Variants in FBN3 observed in about 807,000 individuals in gnomAD.
FBN3 encodes the protein fibrillin-3.
A neutral mutation model predicts 330.1 loss-of-function variants in FBN3; 234 were observed. The observed-to-expected ratio is 0.71, with a 90% confidence interval of 0.64 to 0.79. The LOEUF (loss-of-function observed/expected upper bound fraction) is 0.79. Among genes scored for constraint, FBN3 ranks in the 30% least tolerant of loss-of-function variants. The probability of loss-of-function intolerance (pLI) is 0.00; values close to 1 mark genes in which losing one functional copy is unlikely to be tolerated. For synonymous variants in FBN3, 1,458 were observed against 1,517.3 expected, an observed-to-expected ratio of 0.96 and a Z score of 0.91; for missense variants, 3,606 against 3,886.9, an observed-to-expected ratio of 0.93 and a Z score of 1.92.
chr19:8,132,406 C>T (rs2083169299), intron 14 of FBN3, among the ~76,000 whole-genome samples: 1 of 151,970 alleles, frequency 6.6e-6, no homozygotes, highest in Non-Finnish European at 1.5e-5. Context: ...GTCTCGAACT[C>T]CTGTCCTCAA....
Position 8,121,099 on chromosome 19 carries a change from T to C in FBN3, c.3211+159A>G, listed in dbSNP as rs1003331725. Among the ~76,000 whole-genome samples the C allele has an allele frequency of 2.0e-5, 3 of 151,950 alleles. No homozygotes were observed. Among genetic ancestry groups the C allele is most frequent in the African/African-American group, 7.3e-5 (3 of 41,354 alleles). On this transcript the variant is annotated intron_variant, in intron 25 of 63. Transcript: ENST00000600128. The surrounding 1 kb of genome is among the most constrained non-coding windows in gnomAD (Gnocchi z 4.5). ...TCTCTCTCCTAAGGACGAGGCCTCA[T>C]GGAGCCCAGACTCACTGTACCTCAG...
Position 8,066,096 on chromosome 19 carries a change from G to T in FBN3, c.8253C>A (p.Arg2751=), listed in dbSNP as rs144919811. 8 of 1,613,550 alleles carry T rather than the reference G, an allele frequency of 5.0e-6. No homozygotes were observed. The highest frequency in any genetic ancestry group is 6.8e-6 in the Non-Finnish European group (8 of 1,179,996). Residue 2751 remains arginine, a synonymous_variant, in exon 64 of 64, where the codon CGC becomes CGA. Coordinates refer to ENST00000600128, the MANE Select transcript of FBN3 (RefSeq NM_032447.5). ...IVRGNEQGFF[R]MHHLRGVSSL... The stretch of plus-strand genomic sequence containing the variant: ...AGCTGACGCCACGGAGGTGATGCAT[G>T]CGAAAGAAACCTTGCTCGTTTCCGC...
chr19:8,098,065 T>C (rs771872410), intron 41 of FBN3, among the ~76,000 whole-genome samples: 5 of 152,272 alleles, frequency 3.3e-5, no homozygotes, highest in Non-Finnish European at 7.3e-5. Context: ...ATTGAGGCGA[T>C]GGTTGTGTAA....
chr19:8,085,470 C>T lies in FBN3; in HGVS notation c.6980G>A (p.Gly2327Glu), dbSNP rs1183754268. The T allele has an allele frequency of 1.3e-6, 2 of 1,586,494 alleles. No individual in the cohort carries two copies. Among genetic ancestry groups the T allele is most frequent in the Non-Finnish European group, 1.7e-6 (2 of 1,167,162 alleles). The part of the protein sequence containing the change: ...EAVTRAECCC[G>E]GGRGWGPRCE... ...GCGGGGCCCCCAGCCCCGGCCACCC[C>T]CACAGCAGCACTCGGCCCTGGTGAC... The change falls in exon 56 of 64, where the codon GGG becomes GAG. Residue 2327 changes from glycine (G) to glutamate (E), a missense_variant. By Grantham distance (98) the Gly-to-Glu change is moderately conservative. Coordinates refer to ENST00000600128, the MANE Select transcript of FBN3 (RefSeq NM_032447.5).
chr19:8,096,925 T>G lies in FBN3; in HGVS notation c.5369A>C (p.Lys1790Thr). 6.2e-7 allele frequency: 1 copy of G among 1,613,826 alleles called. No individual in the cohort carries two copies. The highest frequency in any genetic ancestry group is 8.5e-7 in the Non-Finnish European group (1 of 1,179,998). ...CGACAGTTTGTACCCTCGGGTGCAC[T>G]TGCAGCGGTAGCTACCGGGGATGTT... ...CINIPGSYRC[K>T]CTRGYKLSPG... Residue 1790 changes from lysine (K) to threonine (T), a missense_variant, in exon 43 of 64, where the codon AAG (lysine) becomes ACG (threonine). Lys to Thr is a moderately conservative substitution (Grantham distance 78, BLOSUM62 -1). Coordinates refer to ENST00000600128, the MANE Select transcript of FBN3 (RefSeq NM_032447.5). The surrounding 1 kb of genome is among the most constrained non-coding windows in gnomAD (Gnocchi z 4.6).
At position 8,147,299 on chromosome 19, in the gene FBN3, C is replaced by T; in HGVS notation, c.167+15G>A. The T allele has an allele frequency of 6.3e-7, 1 of 1,588,402 alleles. No individual in the cohort carries two copies. The highest frequency in any genetic ancestry group is 1.1e-5 in the South Asian group (1 of 87,640). ...CACACCGAAGGGGTCTCCCAGCATC[C>T]CAGGTACCACGCACCCCTGCAAGAT... On this transcript the variant is annotated intron_variant, in intron 2 of 63. Coordinates refer to ENST00000600128, the MANE Select transcript of FBN3 (RefSeq NM_032447.5).
In FBN3 at chr19:8,131,909, A is replaced by G; in HGVS notation, c.1715-80T>C. The G allele has an allele frequency of 7.2e-7, 1 of 1,388,012 alleles. No homozygotes were observed. The highest frequency in any genetic ancestry group is 9.5e-7 in the Non-Finnish European group (1 of 1,055,362). The allele number at this position is 1,388,012 out of a possible 1,614,324, so 86.0% of individuals were successfully genotyped here. ...CCCCTCCCCATCTCCCAACATTTCCATCTTCCCAGCCATTCTATTTCTTTC... is the reference window on the plus strand; with the variant it reads ...CCCCTCCCCATCTCCCAACATTTCCGTCTTCCCAGCCATTCTATTTCTTTC... On this transcript the variant is annotated intron_variant, in intron 14 of 63. Coordinates refer to ENST00000600128, the MANE Select transcript of FBN3 (RefSeq NM_032447.5). The surrounding 1 kb of genome is among the most constrained non-coding windows in gnomAD (Gnocchi z 4.5).
intron 61 of FBN3, among the ~76,000 whole-genome samples, chr19:8,074,143 C>G (rs913279262): frequency 2.0e-5 from 3 of 152,068 alleles, no homozygotes; most frequent in African/African-American, 7.2e-5. Flanking sequence ...AGCTCAGGGC[C>G]TAGTGAAAGG....
rs1599295473 is a variant in FBN3, at chr19:8,085,451, C to G, written c.6999G>C (p.Gly2333=). The G allele has an allele frequency of 6.4e-7, 1 of 1,572,250 alleles. No individual in the cohort carries two copies. The highest frequency in any genetic ancestry group is 8.6e-7 in the Non-Finnish European group (1 of 1,160,668). The stretch of plus-strand genomic sequence containing the variant: ...GCAGGGGACAGAGCTCGCAGCGGGG[C>G]CCCCAGCCCCGGCCACCCCCACAGC... The part of the protein sequence containing the change: ...ECCCGGGRGW[G]PRCELCPLPG... Residue 2333 remains glycine (G), a synonymous_variant, in exon 56 of 64, where the codon GGG becomes GGC. Coordinates refer to ENST00000600128, the MANE Select transcript of FBN3 (RefSeq NM_032447.5).
chr19:8,129,530 C>T lies in FBN3; in HGVS notation c.2045-165G>A, dbSNP rs2083076779. ...TCTGCTCTAAACCGAGGTTTCTCAG[C>T]CTGGACACTGCTGACATTTGGGGCC... On this transcript the variant is annotated intron_variant, in intron 16 of 63. Transcript: ENST00000600128. The surrounding 1 kb of genome is among the most constrained non-coding windows in gnomAD (Gnocchi z 4.5). Among the ~76,000 whole-genome samples, 1 of 152,112 alleles carries T rather than the reference C, an allele frequency of 6.6e-6. No individual in the cohort carries two copies. The highest frequency in any genetic ancestry group is 1.5e-5 in the Non-Finnish European group (1 of 68,018).
chr19:8,105,261 CT>C (rs1185900615), intron 38 of FBN3, among the ~76,000 whole-genome samples: 853 of 137,454 alleles, frequency 6.2e-3, no homozygotes, highest in Middle Eastern at 0.011. Flanking sequence ...TCTTTTTTTT[CT>C]TTTTTTTTTT....
intron 8 of FBN3, among the ~76,000 whole-genome samples, chr19:8,140,413 G>A (rs372602601): frequency 1.3e-5 from 2 of 152,174 alleles, no homozygotes; most frequent in East Asian, 1.9e-4. Flanking sequence ...GCAGTGAGCC[G>A]AGATCGTGCC....
chr19:8,110,379 A>G (rs2082549505), intron 34 of FBN3, among the ~76,000 whole-genome samples: 1 of 152,190 alleles, frequency 6.6e-6, no homozygotes, highest in Non-Finnish European at 1.5e-5. Flanking sequence ...TATAGAAAAT[A>G]CTTTCAAACC....
chr19:8,087,598 ATTTTTTT>A (rs35631767), intron 53 of FBN3, among the ~76,000 whole-genome samples: 1 of 75,452 alleles, frequency 1.3e-5, no homozygotes. Flanking sequence ...GCATTGCAGG[ATTTTTTT>A]TTTTTTTTTT....
Position 8,131,914 on chromosome 19 carries a change from CCCAG to C in FBN3, c.1715-89_1715-86del, listed in dbSNP as rs1816392166. The C allele has an allele frequency of 7.3e-7, 1 of 1,373,030 alleles. No individual in the cohort carries two copies. The highest frequency in any genetic ancestry group is 2.7e-5 in the East Asian group (1 of 37,660). The allele number at this position is 1,373,030 out of a possible 1,614,324, so 85.1% of individuals were successfully genotyped here. A position where few individuals can be genotyped will look rare whatever the true frequency, so the allele number is the denominator to read the frequency against. Reference sequence around the variant, plus strand: ...CCCCATCTCCCAACATTTCCATCTTCCCAGCCATTCTATTTCTTTCCTTTCCAGT... The same window carrying C: ...CCCCATCTCCCAACATTTCCATCTTCCCATTCTATTTCTTTCCTTTCCAGT... On this transcript the variant is annotated intron_variant, in intron 14 of 63. Coordinates refer to ENST00000600128, the MANE Select transcript of FBN3 (RefSeq NM_032447.5). This position sits in a 1 kb window ranked among gnomAD's most constrained non-coding sequence, Gnocchi z 4.5.
chr19:8,131,892 C>T lies in FBN3; in HGVS notation c.1715-63G>A. 7.0e-7 allele frequency: 1 copy of T among 1,431,334 alleles called. No individual in the cohort carries two copies. Among genetic ancestry groups the T allele is most frequent in the Non-Finnish European group, 9.2e-7 (1 of 1,085,244 alleles). 88.7% of individuals were successfully genotyped at this position (1,431,334 alleles called of 1,614,324 possible). A position where few individuals can be genotyped will look rare whatever the true frequency, so the allele number is the denominator to read the frequency against. Reference sequence around the variant, plus strand: ...GTGCTCCCTTCCTCTCTCCCCTCCCCATCTCCCAACATTTCCATCTTCCCA... The same window carrying T: ...GTGCTCCCTTCCTCTCTCCCCTCCCTATCTCCCAACATTTCCATCTTCCCA... On this transcript the variant is annotated intron_variant, in intron 14 of 63. Transcript: ENST00000600128. The surrounding 1 kb of genome is among the most constrained non-coding windows in gnomAD (Gnocchi z 4.5).
chr19:8,130,812 C>T (rs115248317), intron 16 of FBN3, among the ~76,000 whole-genome samples: 26,115 of 150,970 alleles, frequency 0.17, 3,005 homozygotes, highest in South Asian at 0.39. Context: ...GCCGTGATTG[C>T]ACCACATCAC....
chr19:8,088,617 G>T (rs771986852), intron 51 of FBN3, among the ~76,000 whole-genome samples: 14 of 152,182 alleles, frequency 9.2e-5, no homozygotes, highest in African/African-American at 3.1e-4. Flanking sequence ...ATGAGTGGGT[G>T]AATTACTGAG....
chr19:8,135,854 C>T, intron 13 of FBN3, 107 bp downstream of exon 13: 4 of 1,287,670 alleles, frequency 3.1e-6, no homozygotes, highest in South Asian at 1.4e-5. Flanking sequence ...GAGGAGACGT[C>T]GTAGGGAGGG....
Sources: gnomAD v4.1 joint callset for allele counts (sites outside exome capture counted in the v4.1 genomes callset) on GRCh38, gnomAD v4.1.1 for gene constraint, Gnocchi (gnomAD v3.1) non-coding constraint, MANE v1.5 for transcripts, NCBI Gene and HGNC (gene_info 2026-07-23, HGNC 2026-07-21) for gene names.